Variants in CAMSAP1 observed in about 807,000 individuals in gnomAD.
CAMSAP1 encodes the protein calmodulin regulated spectrin associated protein 1, also known as calmodulin-regulated spectrin-associated protein 1.
A neutral mutation model predicts 143.5 loss-of-function variants in CAMSAP1; 58 were observed. The observed-to-expected ratio is 0.40, with a 90% CI of 0.33 to 0.50. The LOEUF (loss-of-function observed/expected upper bound fraction) is 0.50, where lower values mean the gene tolerates loss of function less well. Ranked by LOEUF, CAMSAP1 falls within the 20% of genes least tolerant of loss-of-function variation. The pLI is 0.45. For missense variants in CAMSAP1, 1,969 were observed against 2,115.7 expected (o/e 0.93, Z 1.36); for synonymous variants, 945 against 859.3 (o/e 1.10, Z -1.74).
chr9:135,810,771 T>C lies in CAMSAP1; in HGVS notation c.*538A>G, dbSNP rs1472314409. On this transcript the variant is annotated 3_prime_UTR_variant, in exon 17 of 17. Transcript: ENST00000389532. ...GACACAACCAATAAATATCATACAATTTCTCAAATGAAAAAGATTTCCCAT... is the reference window on the plus strand; with the variant it reads ...GACACAACCAATAAATATCATACAACTTCTCAAATGAAAAAGATTTCCCAT... The C allele has an allele frequency of 2.6e-5, 4 of 153,404 alleles. No individual in the cohort carries two copies. Among genetic ancestry groups the C allele is most frequent in the South Asian group, 4.1e-4 (2 of 4,874 alleles). 9.5% of individuals were successfully genotyped at this position (153,404 alleles called of 1,614,324 possible). A position where few individuals can be genotyped will look rare whatever the true frequency, so the allele number is the denominator to read the frequency against.
rs1375544735 is a variant in CAMSAP1 at position 135,809,966 on chromosome 9, C to T, written c.*1343G>A. 1 of 152,546 alleles carries T rather than the reference C, an allele frequency of 6.6e-6. No homozygotes were observed. The highest frequency in any genetic ancestry group is 6.6e-5 in the Admixed American group (1 of 15,266). The allele number at this position is 152,546 out of a possible 1,614,324, so 9.4% of individuals were successfully genotyped here. On this transcript the variant is annotated 3_prime_UTR_variant, in exon 17 of 17. Coordinates refer to ENST00000389532, the MANE Select transcript of CAMSAP1 (RefSeq NM_015447.4). Reference sequence around the variant, plus strand: ...CAGTTAAATTTGTCTCTTTTTCTCCCAATTATTGATCTTTTGATTTTTTCT... The same window carrying T: ...CAGTTAAATTTGTCTCTTTTTCTCCTAATTATTGATCTTTTGATTTTTTCT...
At chr9:135,861,626 T>C (rs939281848) in intron 5 of CAMSAP1, among the ~76,000 whole-genome samples, 3 of 152,208 alleles carry the variant, frequency 2.0e-5, no homozygotes, top group Non-Finnish European at 4.4e-5. Flanking sequence ...TGCAGCTATA[T>C]ATTTGTGAAA....
intron 7 of CAMSAP1, 37 bp downstream of exon 7, chr9:135,850,100 G>T (rs1049809157): frequency 1.3e-6 from 2 of 1,539,324 alleles, no homozygotes; most frequent in African/African-American, 1.4e-5. Flanking sequence ...GGCTCTCAAG[G>T]AAACCATTGC....
chr9:135,905,631 A>C (rs1366378705), intron 1 of CAMSAP1, among the ~76,000 whole-genome samples: 1 of 152,202 alleles, frequency 6.6e-6, no homozygotes, highest in Non-Finnish European at 1.5e-5. Flanking sequence ...GAACCTAAGA[A>C]CGTAACGTGG....
intron 1 of CAMSAP1, among the ~76,000 whole-genome samples, chr9:135,885,412 G>A (rs781426516): frequency 7.2e-5 from 11 of 152,186 alleles, no homozygotes; most frequent in Non-Finnish European, 1.0e-4. Context: ...CCCCCTAGGA[G>A]AGCAGAAACT....
intron 7 of CAMSAP1, among the ~76,000 whole-genome samples, chr9:135,839,520 G>A (rs1836262569): frequency 6.6e-6 from 1 of 152,294 alleles, no homozygotes; most frequent in East Asian, 1.9e-4. Context: ...CAAGTCAGCT[G>A]GGAGAGCACA....
chr9:135,849,887 G>T, intron 7 of CAMSAP1: 2 of 361,994 alleles, frequency 5.5e-6, no homozygotes, highest in South Asian at 7.1e-5. Flanking sequence ...TCATTCTGGA[G>T]GTGAGAACAG....
intron 3 of CAMSAP1, among the ~76,000 whole-genome samples, chr9:135,868,371 A>T (rs1837455683): frequency 6.6e-6 from 1 of 152,212 alleles, no homozygotes; most frequent in South Asian, 2.1e-4. Context: ...CTGAGTTACA[A>T]GCTGAGCCAT....
Position 135,811,453 on chromosome 9 carries a change from C to G in CAMSAP1, c.4665G>C (p.Leu1555=). The stretch of plus-strand genomic sequence containing the variant: ...GTTTTCGGTCTGAGCTGTATTTATA[C>G]AGTTTGTCGATCATTTTCTTGGTGA... ...KNITKKMIDK[L]YKYSSDRKQF... is the part of the protein sequence containing the mutation. The change falls in exon 17 of 17, where the codon CTG becomes CTC. Residue 1555 remains leucine (L), a synonymous_variant. Coordinates refer to ENST00000389532, the MANE Select transcript of CAMSAP1 (RefSeq NM_015447.4). This position sits in a 1 kb window ranked among gnomAD's most constrained non-coding sequence, Gnocchi z 4.9. The G allele has an allele frequency of 6.2e-7, 1 of 1,612,362 alleles. No individual in the cohort carries two copies. Among genetic ancestry groups the G allele is most frequent in the Non-Finnish European group, 8.5e-7 (1 of 1,179,102 alleles).
intron 5 of CAMSAP1, among the ~76,000 whole-genome samples, chr9:135,860,934 T>C (rs567978356): frequency 1.3e-5 from 2 of 152,226 alleles, no homozygotes; most frequent in African/African-American, 2.4e-5. Flanking sequence ...TGAGTTTCAC[T>C]AGTTCTAGAC....
At chr9:135,852,374 T>C (rs924458264) in intron 5 of CAMSAP1, among the ~76,000 whole-genome samples, 7 of 152,248 alleles carry the variant, frequency 4.6e-5, no homozygotes, top group African/African-American at 1.4e-4. Context: ...CAATCTTTTC[T>C]ATTTGTGCTT....
intron 1 of CAMSAP1, among the ~76,000 whole-genome samples, chr9:135,892,623 CG>C (rs371648564): frequency 1.6e-3 from 248 of 151,794 alleles, no homozygotes; most frequent in Middle Eastern, 0.01. Context: ...GAGGCCAAGG[CG>C]GGTGGATCAC....
At chr9:135,844,992 A>G (rs1181073439) in intron 7 of CAMSAP1, among the ~76,000 whole-genome samples, 1 of 152,174 alleles carries the variant, frequency 6.6e-6, no homozygotes, top group Non-Finnish European at 1.5e-5. Flanking sequence ...CAACAGAAAA[A>G]GAGGGACTCT....
At chr9:135,857,794 G>T (rs1042931342) in intron 5 of CAMSAP1, among the ~76,000 whole-genome samples, 2 of 152,306 alleles carry the variant, frequency 1.3e-5, no homozygotes, top group East Asian at 3.9e-4. Context: ...AGAGACGGTG[G>T]CTTCTGGGGC....
chr9:135,829,035 T>A lies in CAMSAP1; in HGVS notation c.1046-1451A>T, dbSNP rs535079887. ...TGAGGGAGTTCATCACCACTGCACC[T>A]GCCTTCCAAGAATGGCTAAAAGGAA... On this transcript the variant is annotated intron_variant, in intron 7 of 16. Transcript: ENST00000389532. Among the ~76,000 whole-genome samples the A allele has an allele frequency of 8.5e-5, 13 of 152,348 alleles. No homozygotes were observed. The East Asian group carries it at 2.5e-3, about 29-fold the overall frequency.
intron 7 of CAMSAP1, among the ~76,000 whole-genome samples, chr9:135,846,682 C>CAAA (rs752714756): frequency 7.4e-5 from 4 of 53,728 alleles, no homozygotes; most frequent in South Asian, 1.2e-3. Context: ...ACAAATTTAC[C>CAAA]AAAAAAAAAA....
At chr9:135,844,737 C>A (rs1836491275) in intron 7 of CAMSAP1, among the ~76,000 whole-genome samples, 1 of 152,164 alleles carries the variant, frequency 6.6e-6, no homozygotes. Context: ...ATACTATAAA[C>A]AACTCAGTGC....
intron 5 of CAMSAP1, among the ~76,000 whole-genome samples, chr9:135,851,132 T>C (rs544001279): frequency 6.6e-6 from 1 of 152,124 alleles, no homozygotes; most frequent in Non-Finnish European, 1.5e-5. Flanking sequence ...CACCCTGGTG[T>C]GGAGTGGGGG....
chr9:135,861,302 C>T lies in CAMSAP1; in HGVS notation c.808+1165G>A, dbSNP rs181048531. 6.0e-5 allele frequency among the ~76,000 whole-genome samples: 9 copies of T among 150,414 alleles called. 1 individual carries two copies. The East Asian group carries it at 9.9e-4, about 17-fold the overall frequency. ...GTCTCCTGGTACCTGAGGCTCTCTC[C>T]TTCTTCCTTTTTTTTTTTTTTTCCC... is the stretch of plus-strand genomic sequence containing the variant. On this transcript the variant is annotated intron_variant, in intron 5 of 16. Transcript: ENST00000389532.
Sources: allele counts gnomAD v4.1 joint callset (sites outside exome capture counted in the v4.1 genomes callset), GRCh38; gene constraint gnomAD v4.1.1; non-coding constraint Gnocchi (gnomAD v3.1); transcripts MANE v1.5; gene names NCBI Gene and HGNC (gene_info 2026-07-23, HGNC 2026-07-21).